Variants in SDR39U1 observed in about 807,000 individuals in gnomAD.
SDR39U1 encodes the protein short chain dehydrogenase/reductase family 39U member 1, also known as epimerase family protein SDR39U1.
In SDR39U1, 29 loss-of-function variants were observed where a neutral mutation model predicts 31.7. The ratio of observed to expected loss-of-function variants is 0.92; its 90% CI spans 0.68 to 1.25. SDR39U1 has a LOEUF of 1.25. Among genes scored for constraint, SDR39U1 ranks in the 50% most tolerant of loss-of-function variants. SDR39U1 has a pLI of 0.00. For synonymous variants in SDR39U1, 147 were observed against 159.0 expected (o/e 0.92, Z 0.57); for missense variants, 403 against 378.4 (o/e 1.06, Z -0.54).
At position 24,439,939 on chromosome 14, in the gene SDR39U1, G is replaced by A. The variant is rs571473116; in HGVS notation, c.*144C>T. 3.1e-5 allele frequency: 20 copies of A among 654,962 alleles called. No individual in the cohort carries two copies. The African/African-American group carries it at 3.4e-4, about 11-fold the overall frequency. 40.6% of individuals were successfully genotyped at this position (654,962 alleles called of 1,614,324 possible). A position where few individuals can be genotyped will look rare whatever the true frequency, so the allele number is the denominator to read the frequency against. On this transcript the variant is annotated 3_prime_UTR_variant, in exon 6 of 6. Transcript: ENST00000399395. ...GATTACGGCCTTGAGACAATAAGGT[G>A]GAGCAACAGAACAATGGGAAAGAGG...
intron 3 of SDR39U1, 33 bp downstream of exon 3, chr14:24,442,145 C>A: frequency 6.3e-7 from 1 of 1,598,254 alleles, no homozygotes; most frequent in Non-Finnish European, 8.5e-7. Flanking sequence ...TCCCTGTGCT[C>A]TAGTGGGTAT....
chr14:24,441,046 A>G (rs753033221), intron 4 of SDR39U1, 120 bp from the exon 5 acceptor site: 4 of 1,094,404 alleles, frequency 3.7e-6, no homozygotes, highest in Non-Finnish European at 5.5e-6. Context: ...TTGGAGACAG[A>G]GCCATTTGGA....
chr14:24,440,174 C>T lies in SDR39U1; in HGVS notation c.791G>A (p.Gly264Asp), dbSNP rs750740557. ...GRQRAIMLLE[G>D]QKVIPQRTLA... ...TGTTCGCTGTGGGATCACCTTCTGG[C>T]CCTCCAGCAGCATGATGGCACGCTG... is the stretch of plus-strand genomic sequence containing the variant. The change falls in exon 6 of 6, where the codon GGC (glycine) becomes GAC (aspartate). Residue 264 changes from glycine (G) to aspartate (D), a missense_variant. Gly to Asp is a moderately conservative substitution (Grantham distance 94). Transcript: ENST00000399395. The T allele has an allele frequency of 2.0e-5, 33 of 1,613,846 alleles. No individual in the cohort carries two copies. The East Asian group carries it at 2.9e-4, about 14-fold the overall frequency.
At chr14:24,441,499 G>T in intron 4 of SDR39U1, 175 bp downstream of exon 4, 1 of 571,306 alleles carries the variant, frequency 1.8e-6, no homozygotes, top group Non-Finnish European at 3.0e-6. Flanking sequence ...TTTTTTCAGG[G>T]TCTCAATTTC....
In SDR39U1 at chr14:24,442,320, C is replaced by T. The variant is rs375233863; in HGVS notation, c.123+26G>A. ...CCTGCGCCGCCCAACTCTGCCCTCC[C>T]ACCCGCTTCCAGAGGATGGACTTAC... On this transcript the variant is annotated intron_variant, in intron 2 of 5. Coordinates refer to ENST00000399395, the MANE Select transcript of SDR39U1 (RefSeq NM_020195.3). 41 of 1,605,714 alleles carry T rather than the reference C, an allele frequency of 2.6e-5. No individual in the cohort carries two copies. In the African/African-American group the frequency reaches 5.1e-4, roughly 20 times the overall value.
At position 24,442,302 on chromosome 14, in the gene SDR39U1, C is replaced by G. The variant is rs754584560; in HGVS notation, c.124-42G>C. On this transcript the variant is annotated intron_variant, in intron 2 of 5. Coordinates refer to ENST00000399395, the MANE Select transcript of SDR39U1 (RefSeq NM_020195.3). ...ACAGTGCCCCTGCCCCGCCCTGCGCCGCCCAACTCTGCCCTCCCACCCGCT... is the reference window on the plus strand; with the variant it reads ...ACAGTGCCCCTGCCCCGCCCTGCGCGGCCCAACTCTGCCCTCCCACCCGCT... 4 of 1,580,772 alleles carry G rather than the reference C, an allele frequency of 2.5e-6. No individual in the cohort carries two copies. The East Asian group carries it at 6.8e-5, about 27-fold the overall frequency.
In SDR39U1 at chr14:24,440,989, G is replaced by A. The variant is rs571296652; in HGVS notation, c.329-63C>T. On this transcript the variant is annotated intron_variant, in intron 4 of 5. Transcript: ENST00000399395. Reference sequence around the variant, plus strand: ...TGGTCCTGCCTGGCTCTCTGTAGTGGAGGCTCCCCTTGGCCTCACCTTCTC... The same window carrying A: ...TGGTCCTGCCTGGCTCTCTGTAGTGAAGGCTCCCCTTGGCCTCACCTTCTC... 4 of 1,587,324 alleles carry A rather than the reference G, an allele frequency of 2.5e-6. No homozygotes were observed. In the Admixed American group the frequency reaches 5.1e-5, roughly 20 times the overall value.
rs200019701 is a variant in SDR39U1 at position 24,440,415 on chromosome 14, C to G, written c.550G>C (p.Gly184Arg). 583 of 1,613,426 alleles carry G rather than the reference C, an allele frequency of 3.6e-4. No homozygotes were observed. The highest frequency in any genetic ancestry group is 4.7e-4 in the Non-Finnish European group (556 of 1,179,634). The change falls in exon 6 of 6, where the codon GGC (glycine) becomes CGC (arginine). Residue 184 changes from glycine to arginine, a missense_variant. Gly to Arg is a moderately radical substitution (Grantham distance 125). Transcript: ENST00000399395. Reference protein sequence around the residue: ...PFRLGLGGPIGSGHQFFPWIH... With the variant: ...PFRLGLGGPIRSGHQFFPWIH... The stretch of plus-strand genomic sequence containing the variant: ...CAGGGGAAGAATTGGTGGCCTGAGC[C>G]GATGGGGCCCCCCAGGCCCAGGCGA...
intron 2 of SDR39U1, 23 bp downstream of exon 2, chr14:24,442,323 C>T (rs2043372809): frequency 6.2e-7 from 1 of 1,606,586 alleles, no homozygotes. Context: ...GCCCTCCCAC[C>T]CGCTTCCAGA....
At chr14:24,441,008 CCTT>C (rs1566507081) in intron 4 of SDR39U1, 82 bp from the exon 5 acceptor site, 2 of 1,421,906 alleles carry the variant, frequency 1.4e-6, no homozygotes, top group East Asian at 2.3e-5. Context: ...CTTGGCCTCA[CCTT>C]CTCTGGCCCT....
At chr14:24,441,860 T>A in intron 3 of SDR39U1, 65 bp from the exon 4 acceptor site, 1 of 1,552,636 alleles carries the variant, frequency 6.4e-7, no homozygotes. Context: ...CCTCTCTCTG[T>A]CTTTTCCTGG....
intron 4 of SDR39U1, chr14:24,441,278 T>A: frequency 2.2e-6 from 1 of 450,644 alleles, no homozygotes; most frequent in Non-Finnish European, 4.0e-6. Flanking sequence ...AAAATGGGAA[T>A]AATAGTACCT....
In SDR39U1 at chr14:24,440,892, A is replaced by G. The variant is rs764888975; in HGVS notation, c.363T>C (p.Asp121=). 6.2e-7 allele frequency: 1 copy of G among 1,613,904 alleles called. No homozygotes were observed. The highest frequency in any genetic ancestry group is 1.3e-5 in the African/African-American group (1 of 74,936). Residue 121 remains aspartate, a synonymous_variant, in exon 5 of 6, where the codon GAT becomes GAC. Transcript: ENST00000399395. The part of the protein sequence containing the change: ...YYQPSLTAEY[D]EDSPGGDFDF... ...CAAAGTCCCCTCCTGGGCTGTCTTC[A>G]TCATACTCCGCAGTCAGACTGGGCT... is the stretch of plus-strand genomic sequence containing the variant.
At chr14:24,442,557 G>T in intron 1 of SDR39U1, 105 bp from the exon 2 acceptor site, 1 of 1,279,290 alleles carries the variant, frequency 7.8e-7, no homozygotes, top group South Asian at 1.2e-5. Flanking sequence ...TCTGACACCA[G>T]GCTTCTCCCC....
Position 24,440,500 on chromosome 14 carries a change from A to G in SDR39U1, c.473-8T>C. ...CACGGCCCAGCACAACCCCTAGAGCAGGAAAGAGGGAAGGTACAGGGGTCC... is the reference window on the plus strand; with the variant it reads ...CACGGCCCAGCACAACCCCTAGAGCGGGAAAGAGGGAAGGTACAGGGGTCC... On this transcript the variant is annotated splice_region_variant and splice_polypyrimidine_tract_variant and intron_variant, in intron 5 of 5. Transcript: ENST00000399395. The G allele has an allele frequency of 1.3e-6, 2 of 1,597,664 alleles. No homozygotes were observed. The highest frequency in any genetic ancestry group is 1.7e-6 in the Non-Finnish European group (2 of 1,172,152).
At position 24,440,936 on chromosome 14, in the gene SDR39U1, G is replaced by A; in HGVS notation, c.329-10C>T. 1 of 1,613,930 alleles carries A rather than the reference G, an allele frequency of 6.2e-7. No homozygotes were observed. The highest frequency in any genetic ancestry group is 8.5e-7 in the Non-Finnish European group (1 of 1,179,850). ...CTGGGCTGGTAGTAAGCTGCCGGTG[G>A]AACACAATCATTTGCCCTGGGTGTC... is the stretch of plus-strand genomic sequence containing the variant. On this transcript the variant is annotated splice_polypyrimidine_tract_variant and intron_variant, in intron 4 of 5. Coordinates refer to ENST00000399395, the MANE Select transcript of SDR39U1 (RefSeq NM_020195.3).
At chr14:24,442,051 A>G in intron 3 of SDR39U1, 127 bp downstream of exon 3, 2 of 1,541,964 alleles carry the variant, frequency 1.3e-6, no homozygotes, top group Non-Finnish European at 1.7e-6. Flanking sequence ...GAGCAGAATG[A>G]GTAGTCTGGG....
In SDR39U1 at chr14:24,440,678, CATCCT is replaced by C; in HGVS notation, c.472+100_472+104del. On this transcript the variant is annotated intron_variant, in intron 5 of 5. Coordinates refer to ENST00000399395, the MANE Select transcript of SDR39U1 (RefSeq NM_020195.3). ...TCTGCAGGTTGGCTAGAAGTGGTGG[CATCCT>C]CTCACTCTGTAATTGTAATCTCAGC... The C allele has an allele frequency of 5.5e-6, 8 of 1,454,022 alleles. No individual in the cohort carries two copies. In the South Asian group the frequency reaches 1.0e-4, roughly 18 times the overall value. The allele number at this position is 1,454,022 out of a possible 1,614,324, so 90.1% of individuals were successfully genotyped here. A position where few individuals can be genotyped will look rare whatever the true frequency, so the allele number is the denominator to read the frequency against.
At position 24,442,331 on chromosome 14, in the gene SDR39U1, A is replaced by G. The variant is rs1290445962; in HGVS notation, c.123+15T>C. 1.9e-6 allele frequency: 3 copies of G among 1,608,192 alleles called. No homozygotes were observed. Among genetic ancestry groups the G allele is most frequent in the Non-Finnish European group, 2.5e-6 (3 of 1,177,526 alleles). On this transcript the variant is annotated intron_variant, in intron 2 of 5. Coordinates refer to ENST00000399395, the MANE Select transcript of SDR39U1 (RefSeq NM_020195.3). ...CAACTCTGCCCTCCCACCCGCTTCCAGAGGATGGACTTACCCACGTGATCC... is the reference window on the plus strand; with the variant it reads ...CAACTCTGCCCTCCCACCCGCTTCCGGAGGATGGACTTACCCACGTGATCC...
Sources: allele counts gnomAD v4.1 joint callset, GRCh38; gene constraint gnomAD v4.1.1; transcripts MANE v1.5; gene names NCBI Gene and HGNC (gene_info 2026-07-23, HGNC 2026-07-21).